Variants in ARHGAP10 observed in about 807,000 individuals in gnomAD.
The protein encoded by ARHGAP10 is rho GTPase-activating protein 10.
Under a neutral mutation model 108.6 loss-of-function variants are expected in ARHGAP10, and 87 were observed. The ratio of observed to expected loss-of-function variants is 0.80; its 90% CI spans 0.67 to 0.96. ARHGAP10 has a LOEUF of 0.96. Among genes scored for constraint, ARHGAP10 ranks in the 40% least tolerant of loss-of-function variants. ARHGAP10 has a pLI of 0.00. For synonymous variants in ARHGAP10, 347 were observed against 341.1 expected (o/e 1.02, Z -0.19); for missense variants, 939 against 954.5 (o/e 0.98, Z 0.21).
chr4:148,064,207 G>C (rs1172179103), intron 21 of ARHGAP10, among the ~76,000 whole-genome samples: 1 of 152,174 alleles, frequency 6.6e-6, no homozygotes. Flanking sequence ...GAGGCTCCCT[G>C]AGGAAAGGCT....
In ARHGAP10 at chr4:148,052,395, T is replaced by C. The variant is rs200524861; in HGVS notation, c.2027+5344T>C. Among the ~76,000 whole-genome samples, 170 of 146,642 alleles carry C rather than the reference T, an allele frequency of 1.2e-3. 3 individuals are homozygous for C. The East Asian group carries it at 0.024, about 21-fold the overall frequency. On this transcript the variant is annotated intron_variant, in intron 20 of 22. Coordinates refer to ENST00000336498, the MANE Select transcript of ARHGAP10 (RefSeq NM_024605.4). ...AAAGTGTTTTTTTGCACATTTGCTT[T>C]TTTTTTTTTTTTTTTTTGGGCTAAT...
intron 14 of ARHGAP10, among the ~76,000 whole-genome samples, chr4:147,941,738 A>C (rs1048805286): frequency 7.2e-5 from 11 of 152,236 alleles, no homozygotes; most frequent in African/African-American, 2.7e-4. Context: ...TAAGATTATC[A>C]GTCAAAAACT....
chr4:147,840,848 C>T (rs1412212273), intron 3 of ARHGAP10, among the ~76,000 whole-genome samples: 1 of 152,150 alleles, frequency 6.6e-6, no homozygotes, highest in East Asian at 1.9e-4. Flanking sequence ...TCTTCCTTCC[C>T]AACTTCTGAT....
In ARHGAP10 at chr4:148,072,413, G is replaced by GA; in HGVS notation, c.*332_*333insA. The stretch of plus-strand genomic sequence containing the variant: ...GCCACCTGTGTCGCCTCCACTGGCA[G>GA]TCACGCCACCAGAGCCACCCTGGCT... On this transcript the variant is annotated 3_prime_UTR_variant, in exon 23 of 23. Transcript: ENST00000336498. 3.7e-6 allele frequency: 1 copy of GA among 271,142 alleles called. No individual in the cohort carries two copies. Among genetic ancestry groups the GA allele is most frequent in the Non-Finnish European group, 6.9e-6 (1 of 144,994 alleles). 16.8% of individuals were successfully genotyped at this position (271,142 alleles called of 1,614,324 possible). A position where few individuals can be genotyped will look rare whatever the true frequency, so the allele number is the denominator to read the frequency against.
intron 18 of ARHGAP10, among the ~76,000 whole-genome samples, chr4:148,007,006 A>G (rs1273898244): frequency 6.6e-6 from 1 of 152,184 alleles, no homozygotes; most frequent in African/African-American, 2.4e-5. Context: ...ATATTTTTGC[A>G]TAATAGGATG....
At chr4:148,060,137 C>T (rs966870091) in intron 20 of ARHGAP10, among the ~76,000 whole-genome samples, 4 of 152,068 alleles carry the variant, frequency 2.6e-5, no homozygotes, top group African/African-American at 9.7e-5. Flanking sequence ...CAAAATGCCT[C>T]GTGTTCCTTC....
intron 11 of ARHGAP10, among the ~76,000 whole-genome samples, chr4:147,907,921 C>A (rs1736568924): frequency 6.6e-6 from 1 of 152,140 alleles, no homozygotes. Context: ...TGGCTCACTG[C>A]AACCTCTGCC....
rs191367039 is a variant in ARHGAP10 at position 148,052,195 on chromosome 4, G to A, written c.2027+5144G>A. ...AGGGTGGGAGTCACTGGCAAACCCT[G>A]TCTTCACTTCCTCCTTTCCTCTCTC... is the stretch of plus-strand genomic sequence containing the variant. On this transcript the variant is annotated intron_variant, in intron 20 of 22. Transcript: ENST00000336498. 3.0e-3 allele frequency among the ~76,000 whole-genome samples: 453 copies of A among 152,116 alleles called. 3 individuals are homozygous for A. The highest frequency in any genetic ancestry group is 0.011 in the African/African-American group (437 of 41,496).
At chr4:147,923,829 A>G (rs1180134869) in intron 13 of ARHGAP10, among the ~76,000 whole-genome samples, 1 of 152,254 alleles carries the variant, frequency 6.6e-6, no homozygotes, top group Non-Finnish European at 1.5e-5. Context: ...TAATTTCAGT[A>G]TTAATCTTCA....
Position 147,822,882 on chromosome 4 carries a change from C to CT in ARHGAP10, c.251-11dup. 6.2e-7 allele frequency: 1 copy of CT among 1,613,962 alleles called. No homozygotes were observed. The highest frequency in any genetic ancestry group is 8.5e-7 in the Non-Finnish European group (1 of 1,179,888). ...TGCCATGGCCACCAAATAATCACTCCTTTCTTCTTACAGATGCTTCCTTAC... is the reference window on the plus strand; with the variant it reads ...TGCCATGGCCACCAAATAATCACTCCTTTTCTTCTTACAGATGCTTCCTTAC... On this transcript the variant is annotated splice_polypyrimidine_tract_variant and intron_variant, in intron 2 of 22. Transcript: ENST00000336498.
chr4:147,958,358 G>T (rs144031731), intron 16 of ARHGAP10, among the ~76,000 whole-genome samples: 45 of 152,022 alleles, frequency 3.0e-4, no homozygotes, highest in African/African-American at 9.4e-4. Flanking sequence ...CAAAACACTT[G>T]TGTTGCTATG....
At chr4:147,798,319 TA>T (rs1731399743) in intron 1 of ARHGAP10, among the ~76,000 whole-genome samples, 1 of 152,210 alleles carries the variant, frequency 6.6e-6, no homozygotes, top group African/African-American at 2.4e-5. Flanking sequence ...CTGCTATTAT[TA>T]TTTGTATTTT....
rs138002789 is a variant in ARHGAP10, at chr4:147,749,727, G to A, written c.154+17272G>A. On this transcript the variant is annotated intron_variant, in intron 1 of 22. Transcript: ENST00000336498. The stretch of plus-strand genomic sequence containing the variant: ...TTGTGTATGCAGGATAAAATCCAAC[G>A]TAAGGATTTGACAGTAGGTAGCTAT... Among the ~76,000 whole-genome samples the A allele has an allele frequency of 1.6e-4, 25 of 152,224 alleles. No individual in the cohort carries two copies. The East Asian group carries it at 3.3e-3, about 20-fold the overall frequency.
At chr4:147,968,720 C>A (rs995043316) in intron 18 of ARHGAP10, among the ~76,000 whole-genome samples, 1 of 152,062 alleles carries the variant, frequency 6.6e-6, no homozygotes, top group Non-Finnish European at 1.5e-5. Flanking sequence ...TAATAACATT[C>A]CTGACTTCTG....
chr4:147,987,264 T>C (rs1048582231), intron 18 of ARHGAP10, among the ~76,000 whole-genome samples: 5 of 152,352 alleles, frequency 3.3e-5, no homozygotes, highest in African/African-American at 9.6e-5. Context: ...CATATACTGT[T>C]GAAGCTTCTA....
At chr4:147,793,322 T>TATATATATA (rs56995861) in intron 1 of ARHGAP10, among the ~76,000 whole-genome samples, 12 of 33,942 alleles carry the variant, frequency 3.5e-4, no homozygotes, top group African/African-American at 5.0e-4. Context: ...ATATATATAT[T>TATATATATA]TTTTTTTTTT....
intron 20 of ARHGAP10, among the ~76,000 whole-genome samples, chr4:148,049,840 C>A (rs1002138815): frequency 1.5e-4 from 1 of 6,682 alleles, no homozygotes; most frequent in African/African-American, 1.3e-3. Flanking sequence ...GGTGGGGGGG[C>A]GGGGGGCGGG....
chr4:147,899,007 C>T (rs1736113536), intron 10 of ARHGAP10, among the ~76,000 whole-genome samples: 1 of 152,124 alleles, frequency 6.6e-6, no homozygotes, highest in African/African-American at 2.4e-5. Flanking sequence ...ACCCTCCAGG[C>T]AGGCCATGCC....
chr4:147,897,268 TTATTAC>T (rs1261797478), intron 10 of ARHGAP10, among the ~76,000 whole-genome samples: 4 of 151,570 alleles, frequency 2.6e-5, no homozygotes, highest in African/African-American at 9.6e-5. Context: ...TATTTTATTA[TTATTAC>T]TATTTTTTTG....
Sources: gnomAD v4.1 joint callset for allele counts (sites outside exome capture counted in the v4.1 genomes callset) on GRCh38, gnomAD v4.1.1 for gene constraint, MANE v1.5 for transcripts, NCBI Gene and HGNC (gene_info 2026-07-23, HGNC 2026-07-21) for gene names.